Variants in MGAM observed in about 807,000 individuals in gnomAD.
MGAM encodes the protein maltase-glucoamylase, also known as alpha-1,4-glucosidase.
In MGAM, 253 loss-of-function variants were observed where a neutral mutation model predicts 358.8. The observed-to-expected ratio is 0.71, with a 90% confidence interval of 0.64 to 0.78. MGAM has a LOEUF of 0.78. Among genes scored for constraint, MGAM ranks in the 30% least tolerant of loss-of-function variants. The pLI is 0.00. For missense variants in MGAM, 3,080 were observed against 3,432.6 expected (o/e 0.90, Z 2.57); for synonymous variants, 1,105 against 1,227.1 (o/e 0.90, Z 2.08).
At chr7:142,052,235 G>C (rs983577354) in intron 24 of MGAM, 59 bp from the exon 25 acceptor site, 21 of 1,424,928 alleles carry the variant, frequency 1.5e-5, no homozygotes, top group Non-Finnish European at 1.9e-5. Flanking sequence ...AAAAACCTCA[G>C]GTCTTGCAAA....
rs1419269717 is a variant in MGAM, at chr7:142,008,578, C to T, written c.200C>T (p.Thr67Ile). ...TGTPDPGTTG[T>I]THARTTGPPD... is the part of the protein sequence containing the mutation. The stretch of plus-strand genomic sequence containing the variant: ...ACCCCAGATCCTGGAACAACTGGTA[C>T]CACACATGCTAGGACAACGGGTCCC... The change falls in exon 3 of 71, where the codon ACC becomes ATC. Residue 67 changes from threonine to isoleucine, a missense_variant. By Grantham distance (89) the Thr-to-Ile change is moderately conservative (BLOSUM62 -1). Transcript: ENST00000475668. 6.2e-7 allele frequency: 1 copy of T among 1,612,902 alleles called. No individual in the cohort carries two copies. The highest frequency in any genetic ancestry group is 8.5e-7 in the Non-Finnish European group (1 of 1,179,320).
intron 18 of MGAM, among the ~76,000 whole-genome samples, chr7:142,037,354 A>G (rs1389034989): frequency 6.6e-6 from 1 of 152,212 alleles, no homozygotes; most frequent in East Asian, 1.9e-4. Context: ...TCTGTAATGC[A>G]CTATAATGCC....
Position 142,106,000 on chromosome 7 carries a change from G to T in MGAM, c.*109G>T. 1.2e-6 allele frequency: 1 copy of T among 851,684 alleles called. No individual in the cohort carries two copies. Among genetic ancestry groups the T allele is most frequent in the South Asian group, 1.5e-5 (1 of 65,464 alleles). 52.8% of individuals were successfully genotyped at this position (851,684 alleles called of 1,614,324 possible). ...TAATTTGTTCATACCCACTATTGGTGAAATATTTCTGTTAATTTTGTTATA... is the reference window on the plus strand; with the variant it reads ...TAATTTGTTCATACCCACTATTGGTTAAATATTTCTGTTAATTTTGTTATA... On this transcript the variant is annotated 3_prime_UTR_variant, in exon 71 of 71. Coordinates refer to ENST00000475668, the MANE Select transcript of MGAM (RefSeq NM_001365693.1).
chr7:142,043,458 A>C (rs865855195), intron 21 of MGAM, among the ~76,000 whole-genome samples: 1 of 25,506 alleles, frequency 3.9e-5, no homozygotes, highest in East Asian at 1.0e-3. Flanking sequence ...AATATAATAT[A>C]TATATTATAT....
chr7:142,019,517 A>C (rs1016962938), intron 4 of MGAM, among the ~76,000 whole-genome samples, 198 bp downstream of exon 4: 43 of 152,350 alleles, frequency 2.8e-4, no homozygotes, highest in African/African-American at 9.9e-4. Flanking sequence ...GGGAGTTGAG[A>C]GACCATGTCC....
chr7:142,080,795 A>T lies in MGAM; in HGVS notation c.5852A>T (p.Tyr1951Phe), dbSNP rs1297915418. ...AATCGTTTTCCTCTGGCCTAGATTT[A>T]TGATCCCAACAACAATCGGTATGAA... is the stretch of plus-strand genomic sequence containing the variant. The part of the protein sequence containing the change: ...HKNEMLQFKI[Y>F]DPNNNRYEVP... Residue 1951 changes from tyrosine (Y) to phenylalanine (F), a missense_variant, in exon 50 of 71, where the codon TAT becomes TTT. Tyr to Phe is a conservative substitution (Grantham distance 22). Coordinates refer to ENST00000475668, the MANE Select transcript of MGAM (RefSeq NM_001365693.1). 6.4e-7 allele frequency: 1 copy of T among 1,554,034 alleles called. No individual in the cohort carries two copies. The highest frequency in any genetic ancestry group is 1.1e-5 in the South Asian group (1 of 88,970).
intron 24 of MGAM, among the ~76,000 whole-genome samples, chr7:142,051,912 C>T (rs2961086): frequency 0.29 from 44,347 of 151,842 alleles, 7,293 homozygotes; most frequent in Admixed American, 0.37. Context: ...TACCACTCCA[C>T]GCCAATGGGT....
At chr7:142,040,343 G>A in intron 20 of MGAM, 172 bp downstream of exon 20, 1 of 616,264 alleles carries the variant, frequency 1.6e-6, no homozygotes, top group East Asian at 2.8e-5. Flanking sequence ...GTTAACATCA[G>A]TCATGATGAA....
chr7:141,997,646 C>T (rs1390013703), intron 1 of MGAM, among the ~76,000 whole-genome samples: 1 of 152,106 alleles, frequency 6.6e-6, no homozygotes, highest in African/African-American at 2.4e-5. Context: ...TAGCTGTCTC[C>T]TAGAGATGAT....
At chr7:142,003,782 AT>A (rs552897319) in intron 1 of MGAM, among the ~76,000 whole-genome samples, 1 of 151,978 alleles carries the variant, frequency 6.6e-6, no homozygotes, top group Non-Finnish European at 1.5e-5. Context: ...GGGTTAAAAT[AT>A]TTGCAAACAG....
At chr7:142,022,032 T>C (rs533273164) in intron 6 of MGAM, among the ~76,000 whole-genome samples, 3 of 152,204 alleles carry the variant, frequency 2.0e-5, no homozygotes, top group Non-Finnish European at 4.4e-5. Context: ...TATAGTGTTC[T>C]GGTCATGTAG....
At chr7:142,025,273 T>C in intron 8 of MGAM, 124 bp downstream of exon 8, 1 of 678,404 alleles carries the variant, frequency 1.5e-6, no homozygotes, top group African/African-American at 1.8e-5. Flanking sequence ...GAGGGCCTTA[T>C]AGATTCTCTA....
In MGAM at chr7:142,036,233, AG is replaced by A; in HGVS notation, c.2025del (p.Gln675HisfsTer32). On this transcript the variant is annotated frameshift_variant, in exon 17 of 71. Transcript: ENST00000475668. LOFTEE classifies it high-confidence loss of function. ...TPEELCRRWM[Q>X]LGAFYPFSRN... ...GAGGAGCTCTGTAGGCGGTGGATGC[AG>A]TTGGGTGCATTTTATCCGTTTTCTA... The A allele has an allele frequency of 6.2e-7, 1 of 1,612,194 alleles. No individual in the cohort carries two copies. Among genetic ancestry groups the A allele is most frequent in the East Asian group, 2.2e-5 (1 of 44,758 alleles).
intron 43 of MGAM, among the ~76,000 whole-genome samples, chr7:142,070,195 G>GA (rs34471297): frequency 0.025 from 2,786 of 111,150 alleles, 145 homozygotes; most frequent in African/African-American, 0.085. Flanking sequence ...TTTGTCTCAA[G>GA]AAAAAAAAAA....
intron 24 of MGAM, 120 bp downstream of exon 24, chr7:142,050,984 G>A: frequency 7.6e-7 from 1 of 1,311,888 alleles, no homozygotes; most frequent in South Asian, 1.3e-5. Context: ...CCTGTTTTGG[G>A]GAAGTGAGAG....
At chr7:142,085,120 C>T (rs1290897329) in intron 54 of MGAM, among the ~76,000 whole-genome samples, 1 of 146,610 alleles carries the variant, frequency 6.8e-6, no homozygotes. Context: ...TGATGGAATA[C>T]ACGGATCCTG....
At chr7:142,006,963 C>T (rs890394140) in intron 2 of MGAM, among the ~76,000 whole-genome samples, 12 of 152,004 alleles carry the variant, frequency 7.9e-5, no homozygotes, top group South Asian at 2.1e-4. Context: ...ATAAGTTATT[C>T]CTTTGTAAAC....
In MGAM at chr7:142,106,029, T is replaced by A. The variant is rs2129069862; in HGVS notation, c.*138T>A. On this transcript the variant is annotated 3_prime_UTR_variant, in exon 71 of 71. Coordinates refer to ENST00000475668, the MANE Select transcript of MGAM (RefSeq NM_001365693.1). ...TATTTCTGTTAATTTTGTTATATGTTTTTTGTGTGAACCCTAAAGGTTAAA... is the reference window on the plus strand; with the variant it reads ...TATTTCTGTTAATTTTGTTATATGTATTTTGTGTGAACCCTAAAGGTTAAA... 1.4e-6 allele frequency: 1 copy of A among 710,192 alleles called. No homozygotes were observed. The highest frequency in any genetic ancestry group is 1.8e-5 in the South Asian group (1 of 56,460). The allele number at this position is 710,192 out of a possible 1,614,324, so 44.0% of individuals were successfully genotyped here.
intron 21 of MGAM, among the ~76,000 whole-genome samples, chr7:142,046,235 A>G (rs903224167): frequency 3.3e-5 from 5 of 150,474 alleles, no homozygotes; most frequent in Non-Finnish European, 5.9e-5. Flanking sequence ...TATTTCAAGA[A>G]CAGTTGTATA....
Sources: gnomAD v4.1 joint callset for allele counts (sites outside exome capture counted in the v4.1 genomes callset) on GRCh38, gnomAD v4.1.1 for gene constraint, MANE v1.5 for transcripts, NCBI Gene and HGNC (gene_info 2026-07-23, HGNC 2026-07-21) for gene names.